ARHGAP23: variants seen among roughly 807,000 people sequenced by gnomAD.
ARHGAP23 encodes rho GTPase-activating protein 23.
ARHGAP23 carries 34 observed loss-of-function variants against 136.3 expected under a neutral mutation model. The ratio of observed to expected loss-of-function variants is 0.25; its 90% CI spans 0.19 to 0.33. The LOEUF (loss-of-function observed/expected upper bound fraction) is 0.33, where lower values mean the gene tolerates loss of function less well. ARHGAP23 is among the 10% of genes least tolerant of loss of function. ARHGAP23 has a pLI of 1.00. For synonymous variants in ARHGAP23, 832 were observed against 920.5 expected (o/e 0.90, Z 1.74); for missense variants, 1,808 against 2,139.0 (o/e 0.85, Z 3.05).
chr17:38,433,609 C>T (rs2038730175), intron 1 of ARHGAP23, among the ~76,000 whole-genome samples: 1 of 152,132 alleles, frequency 6.6e-6, no homozygotes, highest in South Asian at 2.1e-4. Flanking sequence ...TTGGGATCAG[C>T]ACTATATGAT....
chr17:38,475,401 C>T (rs1308677890), intron 11 of ARHGAP23, among the ~76,000 whole-genome samples: 2 of 152,242 alleles, frequency 1.3e-5, no homozygotes, highest in Non-Finnish European at 2.9e-5. Context: ...GCCCTTGTCA[C>T]CACCTCACTG....
chr17:38,479,016 A>G (rs1333171828), intron 12 of ARHGAP23, among the ~76,000 whole-genome samples: 1 of 152,084 alleles, frequency 6.6e-6, no homozygotes, highest in Non-Finnish European at 1.5e-5. Context: ...AGGCACCTGG[A>G]ATTTGGGCCT....
chr17:38,509,356 TG>T (rs1451182536), intron 23 of ARHGAP23, among the ~76,000 whole-genome samples: 1 of 146,360 alleles, frequency 6.8e-6, no homozygotes, highest in African/African-American at 2.5e-5. Context: ...GACCTGGGAT[TG>T]GGGATTGGCG....
At chr17:38,486,832 G>A (rs889776351) in intron 17 of ARHGAP23, among the ~76,000 whole-genome samples, 3 of 152,338 alleles carry the variant, frequency 2.0e-5, no homozygotes, top group South Asian at 2.1e-4. Context: ...CACCCCAGGC[G>A]TCGGGCACCG....
intron 12 of ARHGAP23, among the ~76,000 whole-genome samples, chr17:38,479,156 G>A (rs1368404722): frequency 1.3e-5 from 2 of 152,168 alleles, no homozygotes; most frequent in Non-Finnish European, 2.9e-5. Flanking sequence ...CTGCCAGGAC[G>A]GTGGCGAGTG....
Position 38,500,615 on chromosome 17 carries a change from C to G in ARHGAP23, c.3434C>G (p.Ser1145Ter). ...DPGSDSTTCS[S>*]AKSKGSWAPK... ...CCAACAGATTCTACCACCTGTAGTT[C>G]AGCCAAGTCCAAGGTACGTATGAAG... is the stretch of plus-strand genomic sequence containing the variant. The change falls in exon 23 of 24, where the codon TCA (serine) becomes TGA (stop). Residue 1145 changes from serine to a stop codon, truncating the protein, a stop_gained. Transcript: ENST00000622683. LOFTEE classifies it high-confidence loss of function. 1 of 1,549,234 alleles carries G rather than the reference C, an allele frequency of 6.5e-7. No individual in the cohort carries two copies. The highest frequency in any genetic ancestry group is 8.7e-7 in the Non-Finnish European group (1 of 1,146,658).
chr17:38,479,487 C>T lies in ARHGAP23; in HGVS notation c.2488C>T (p.Arg830Cys), dbSNP rs781444333. The change falls in exon 13 of 24, where the codon CGC becomes TGC. Residue 830 changes from arginine to cysteine, a missense_variant. Arg to Cys is a radical substitution (Grantham distance 180, BLOSUM62 -3). Around this residue, in one of 7 missense-constraint regions of ARHGAP23, gnomAD observed 139 missense variants for 264.3 expected, o/e 0.53. Transcript: ENST00000622683. ...GATCAGCAAGAAGCTTAACGATTAT[C>T]GCAAAGTGAGGTGAGGCCCAGCCCT... is the stretch of plus-strand genomic sequence containing the variant. Reference protein sequence around the residue: ...ALISKKLNDYRKVSHSSGPKA... With the variant: ...ALISKKLNDYCKVSHSSGPKA... 8.2e-5 allele frequency: 127 copies of T among 1,547,882 alleles called. No individual in the cohort carries two copies. The African/African-American group carries it at 1.5e-3, about 18-fold the overall frequency.
chr17:38,426,550 C>CAAAAAAAAAAAAAAAAAAAAAA (rs751365956), upstream of ARHGAP23, among the ~76,000 whole-genome samples: 91 of 51,200 alleles, frequency 1.8e-3, no homozygotes, highest in Middle Eastern at 0.019. Flanking sequence ...AACTCCATCT[C>CAAAAAAAAAAAAAAAAAAAAAA]AAAAAAAAAA....
At chr17:38,423,426 C>T (rs1321154769) in intron 1 of ARHGAP23, among the ~76,000 whole-genome samples, 1 of 151,632 alleles carries the variant, frequency 6.6e-6, no homozygotes, top group Non-Finnish European at 1.5e-5. Context: ...GGCAAGAGTG[C>T]AGTGGCATGA....
intron 1 of ARHGAP23, among the ~76,000 whole-genome samples, chr17:38,439,778 T>C (rs1176280204): frequency 2.4e-5 from 2 of 83,918 alleles, no homozygotes; most frequent in African/African-American, 4.2e-5. Context: ...GCTTAGGAAC[T>C]TTTTTTTTTT....
chr17:38,481,098 C>T (rs531538173), intron 14 of ARHGAP23, among the ~76,000 whole-genome samples: 5 of 152,138 alleles, frequency 3.3e-5, no homozygotes, highest in East Asian at 1.9e-4. Context: ...GCCTCAGCCC[C>T]GCTAGTAACT....
At chr17:38,439,647 T>C (rs1402794312) in intron 1 of ARHGAP23, among the ~76,000 whole-genome samples, 1 of 152,252 alleles carries the variant, frequency 6.6e-6, no homozygotes, top group African/African-American at 2.4e-5. Flanking sequence ...CCATGGGCGA[T>C]GGATTATCTC....
intron 1 of ARHGAP23, among the ~76,000 whole-genome samples, chr17:38,420,317 C>T (rs1432691508): frequency 5.3e-5 from 8 of 152,256 alleles, no homozygotes; most frequent in Non-Finnish European, 7.3e-5. Context: ...TCCCAACCCC[C>T]ACTTGGGGTG....
At chr17:38,469,718 G>A (rs2039700285) in intron 9 of ARHGAP23, 83 bp downstream of exon 9, 2 of 1,507,878 alleles carry the variant, frequency 1.3e-6, no homozygotes, top group Non-Finnish European at 1.8e-6. Context: ...GGCCCTGGGG[G>A]TCCTCTATGC....
chr17:38,456,390 C>T (rs1597781101), intron 1 of ARHGAP23, among the ~76,000 whole-genome samples: 1 of 152,166 alleles, frequency 6.6e-6, no homozygotes, highest in East Asian at 1.9e-4. Context: ...GAGAAGGGGA[C>T]AAAAGGGGAT....
intron 23 of ARHGAP23, among the ~76,000 whole-genome samples, chr17:38,505,018 T>G (rs2040602196): frequency 1.1e-5 from 1 of 92,236 alleles, no homozygotes; most frequent in Admixed American, 1.2e-4. Flanking sequence ...TTTTTTTTTT[T>G]TTTTTGAGAC....
At chr17:38,494,964 C>T (rs1040524397) in intron 20 of ARHGAP23, among the ~76,000 whole-genome samples, 9 of 152,142 alleles carry the variant, frequency 5.9e-5, no homozygotes, top group African/African-American at 9.7e-5. Context: ...TTCTTTGGGC[C>T]GATCCTCAGG....
At chr17:38,430,318 A>G (rs551054154) in intron 1 of ARHGAP23, among the ~76,000 whole-genome samples, 1 of 152,174 alleles carries the variant, frequency 6.6e-6, no homozygotes, top group Admixed American at 6.5e-5. Context: ...GCTGTTAGGA[A>G]GGTGTCTGAC....
chr17:38,444,839 CAG>C (rs1359845495), intron 1 of ARHGAP23, among the ~76,000 whole-genome samples: 1 of 150,390 alleles, frequency 6.6e-6, no homozygotes, highest in Non-Finnish European at 1.5e-5. Flanking sequence ...TTTTTTGAGA[CAG>C]AGTTTTGCTC....
Sources: allele counts gnomAD v4.1 joint callset (sites outside exome capture counted in the v4.1 genomes callset), GRCh38; gene constraint gnomAD v4.1.1; regional missense constraint gnomAD v4.1.1; transcripts MANE v1.5; gene names NCBI Gene and HGNC (gene_info 2026-07-23, HGNC 2026-07-21).